The following OAS1 variants were observed in gnomAD, a reference collection of about 807,000 sequenced individuals.
The protein encoded by OAS1 is 2'-5'-oligoadenylate synthetase 1, also known as 2'-5'-oligoadenylate synthase 1.
A neutral mutation model predicts 38.5 loss-of-function variants in OAS1; 24 were observed. The observed-to-expected ratio is 0.62, with a 90% CI of 0.45 to 0.88. The LOEUF is 0.88. Among genes scored for constraint, OAS1 ranks in the 40% least tolerant of loss-of-function variants. OAS1 has a pLI of 0.00. For synonymous variants in OAS1, 169 were observed against 193.9 expected, an observed-to-expected ratio of 0.87 and a Z score of 1.07; for missense variants, 482 against 493.9, an observed-to-expected ratio of 0.98 and a Z score of 0.23.
At chr12:112,912,966 T>G (rs1303992359) in intron 3 of OAS1, among the ~76,000 whole-genome samples, 1 of 152,244 alleles carries the variant, frequency 6.6e-6, no homozygotes, top group Non-Finnish European at 1.5e-5. Flanking sequence ...CTCACAGATT[T>G]ACCACTTTCT....
intron 6 of OAS1, among the ~76,000 whole-genome samples, chr12:112,930,698 T>A (rs1294842534): frequency 6.6e-6 from 1 of 152,276 alleles, no homozygotes; most frequent in Non-Finnish European, 1.5e-5. Flanking sequence ...CTCAAGAGCC[T>A]GACTCTGGCC....
chr12:112,906,988 TAA>T lies in OAS1; in HGVS notation c.-49_-48del. 6.3e-7 allele frequency: 1 copy of T among 1,597,006 alleles called. No homozygotes were observed. Among genetic ancestry groups the T allele is most frequent in the South Asian group, 1.1e-5 (1 of 90,034 alleles). The stretch of plus-strand genomic sequence containing the variant: ...GTCCAAGCTCAGTCAGCAGAAGAGA[TAA>T]AAGCAAACAGGTCTGGGAGGCAGTT... On this transcript the variant is annotated 5_prime_UTR_variant, in exon 1 of 6. Coordinates refer to ENST00000202917, the MANE Select transcript of OAS1 (RefSeq NM_016816.4).
chr12:112,908,088 G>A (rs530088909), intron 1 of OAS1, among the ~76,000 whole-genome samples: 3 of 152,308 alleles, frequency 2.0e-5, no homozygotes, highest in Non-Finnish European at 2.9e-5. Flanking sequence ...CAGGCAGGCC[G>A]CTCCTCCAGG....
At chr12:112,908,514 T>C (rs773387579) in intron 1 of OAS1, 22 bp from the exon 2 acceptor site, 1 of 1,596,024 alleles carries the variant, frequency 6.3e-7, no homozygotes, top group African/African-American at 1.4e-5. Context: ...GCATCAATTA[T>C]TATTTTTGTC....
downstream of OAS1, among the ~76,000 whole-genome samples, chr12:112,922,784 A>C (rs1429814246): frequency 6.6e-6 from 1 of 152,190 alleles, no homozygotes; most frequent in Admixed American, 6.5e-5. Context: ...CTCCACAGCA[A>C]TTCTGGAATT....
intron 5 of OAS1, chr12:112,918,112 G>C: frequency 3.5e-6 from 1 of 286,612 alleles, no homozygotes; most frequent in Non-Finnish European, 6.3e-6. Context: ...ATTGTGTAAT[G>C]GTGGGGTTTG....
In OAS1 at chr12:112,911,098, C is replaced by A. The variant is rs1274032421; in HGVS notation, c.517C>A (p.Leu173Ile). 1 of 1,614,072 alleles carries A rather than the reference C, an allele frequency of 6.2e-7. No homozygotes were observed. ...ACCTAACCCCCAAATCTATGTCAAGCTCATCGAGGAGTGCACCGACCTGCA... is the reference window on the plus strand; with the variant it reads ...ACCTAACCCCCAAATCTATGTCAAGATCATCGAGGAGTGCACCGACCTGCA... ...YKPNPQIYVK[L>I]IEECTDLQKE... Residue 173 changes from leucine to isoleucine, a missense_variant, in exon 3 of 6, where the codon CTC (leucine) becomes ATC (isoleucine). Leu to Ile is a conservative substitution (Grantham distance 5). Coordinates refer to ENST00000202917, the MANE Select transcript of OAS1 (RefSeq NM_016816.4).
Position 112,925,141 on chromosome 12 carries a change from T to C in OAS1, c.1167+5526T>C, listed in dbSNP as rs984429198. 7.2e-5 allele frequency among the ~76,000 whole-genome samples: 11 copies of C among 152,110 alleles called. 1 individual carries two copies. Among genetic ancestry groups the C allele is most frequent in the Admixed American group, 2.0e-4 (3 of 15,274 alleles). On this transcript the variant is annotated intron_variant, in intron 6 of 6. Coordinates refer to the OAS1 transcript ENST00000540589. ...AGGGCACAGCTGGAAGTGTTCAAAATGAGGAAACGTTCAATGTCAAGTTTG... is the reference window on the plus strand; with the variant it reads ...AGGGCACAGCTGGAAGTGTTCAAAACGAGGAAACGTTCAATGTCAAGTTTG...
chr12:112,932,011 G>A (rs1257388423), exon 7 of OAS1: 2 of 683,136 alleles, frequency 2.9e-6, no homozygotes, highest in East Asian at 2.7e-5. Flanking sequence ...TCACAGCAAG[G>A]AAAACCTTCA....
At chr12:112,929,329 C>T (rs1294136999) in intron 6 of OAS1, among the ~76,000 whole-genome samples, 1 of 152,190 alleles carries the variant, frequency 6.6e-6, no homozygotes, top group African/African-American at 2.4e-5. Context: ...ATCACACCCC[C>T]ATCCATCTCC....
At position 112,917,696 on chromosome 12, in the gene OAS1, T is replaced by C. The variant is rs1479273461; in HGVS notation, c.1034T>C (p.Leu345Pro). The change falls in exon 5 of 6, where the codon CTG becomes CCG. Residue 345 changes from leucine (L) to proline (P), a missense_variant. Transcript: ENST00000202917. Reference sequence around the variant, plus strand: ...GGGTCCCCAGTGAGCTCCTGGATTCTGCTGGTGAGACCTCCTGCTTCCTCC... The same window carrying C: ...GGGTCCCCAGTGAGCTCCTGGATTCCGCTGGTGAGACCTCCTGCTTCCTCC... Reference protein sequence around the residue: ...WDGSPVSSWILLAESNSADDE... With the variant: ...WDGSPVSSWIPLAESNSADDE... 6.2e-7 allele frequency: 1 copy of C among 1,614,104 alleles called. No individual in the cohort carries two copies. The highest frequency in any genetic ancestry group is 2.2e-5 in the East Asian group (1 of 44,896).
At chr12:112,916,386 C>A in intron 3 of OAS1, 123 bp from the exon 4 acceptor site, 1 of 699,144 alleles carries the variant, frequency 1.4e-6, no homozygotes, top group Non-Finnish European at 2.4e-6. Flanking sequence ...ATGAATGAGC[C>A]TGGATTCGTT....
At chr12:112,932,010 G>C in exon 7 of OAS1, 1 of 682,618 alleles carries the variant, frequency 1.5e-6, no homozygotes, top group Non-Finnish European at 2.6e-6. Flanking sequence ...ATCACAGCAA[G>C]GAAAACCTTC....
At chr12:112,926,815 A>G (rs962922325) in intron 6 of OAS1, among the ~76,000 whole-genome samples, 1 of 152,240 alleles carries the variant, frequency 6.6e-6, no homozygotes, top group Non-Finnish European at 1.5e-5. Flanking sequence ...GGGGTGCTGC[A>G]GGAGACCAGG....
intron 3 of OAS1, among the ~76,000 whole-genome samples, chr12:112,915,313 A>G (rs2043440901): frequency 6.6e-6 from 1 of 152,164 alleles, no homozygotes; most frequent in South Asian, 2.1e-4. Flanking sequence ...AGAGAGAAGG[A>G]TTCAGTTTCA....
At chr12:112,914,511 TC>T (rs2043427051) in intron 3 of OAS1, among the ~76,000 whole-genome samples, 1 of 152,186 alleles carries the variant, frequency 6.6e-6, no homozygotes, top group South Asian at 2.1e-4. Flanking sequence ...CTATAAGGAA[TC>T]TCCACACTGT....
intron 3 of OAS1, among the ~76,000 whole-genome samples, chr12:112,916,138 G>C (rs1428291600): frequency 1.3e-5 from 2 of 152,174 alleles, no homozygotes; most frequent in Non-Finnish European, 2.9e-5. Context: ...TCACTTAGCA[G>C]ATGAAAATCA....
At chr12:112,928,348 T>C (rs938582416) in intron 6 of OAS1, among the ~76,000 whole-genome samples, 1 of 152,218 alleles carries the variant, frequency 6.6e-6, no homozygotes, top group Non-Finnish European at 1.5e-5. Flanking sequence ...AATCATTCCA[T>C]GGGAGGACTA....
At position 112,912,442 on chromosome 12, in the gene OAS1, C is replaced by T. The variant is rs1046594926; in HGVS notation, c.654+1207C>T. On this transcript the variant is annotated intron_variant, in intron 3 of 5. Transcript: ENST00000202917. ...ATTCAATGTATATTTCTTGAATGAA[C>T]GAATGAATGAAAATAATCAGGAATA... 8.6e-5 allele frequency among the ~76,000 whole-genome samples: 13 copies of T among 152,038 alleles called. 1 individual carries two copies. Among genetic ancestry groups the T allele is most frequent in the Admixed American group, 5.9e-4 (9 of 15,272 alleles).
Sources: gnomAD v4.1 joint callset for allele counts (sites outside exome capture counted in the v4.1 genomes callset) on GRCh38, gnomAD v4.1.1 for gene constraint, MANE v1.5 for transcripts, NCBI Gene and HGNC (gene_info 2026-07-23, HGNC 2026-07-21) for gene names.